Variants in SLC4A4 observed in about 807,000 individuals in gnomAD.
The protein encoded by SLC4A4 is solute carrier family 4 member 4.
SLC4A4 carries 27 observed loss-of-function variants against 111.5 expected under a neutral mutation model. The observed-to-expected ratio is 0.24, with a 90% CI of 0.18 to 0.33. The LOEUF is 0.33. SLC4A4 is among the 10% of genes least tolerant of loss of function. The probability of loss-of-function intolerance (pLI) is 1.00; values close to 1 mark genes in which losing one functional copy is unlikely to be tolerated. For synonymous variants in SLC4A4, 443 were observed against 463.4 expected, an observed-to-expected ratio of 0.96 and a Z score of 0.57; for missense variants, 909 against 1,315.5, an observed-to-expected ratio of 0.69 and a Z score of 4.78.
intron 3 of SLC4A4, among the ~76,000 whole-genome samples, chr4:71,338,546 TTCG>T (rs760891237): frequency 2.8e-4 from 42 of 151,862 alleles, no homozygotes; most frequent in Non-Finnish European, 4.7e-4. Flanking sequence ...TCTTTCTTCT[TTCG>T]TCGTCTTCTT....
intron 2 of SLC4A4, among the ~76,000 whole-genome samples, chr4:71,156,349 G>A (rs926545171): frequency 1.3e-5 from 2 of 152,020 alleles, no homozygotes; most frequent in African/African-American, 2.4e-5. Flanking sequence ...TTATTATGCT[G>A]ATGCTTCACT....
Position 71,567,873 on chromosome 4 carries a change from G to A in SLC4A4, c.*122G>A. The A allele has an allele frequency of 6.6e-7, 1 of 1,522,202 alleles. No individual in the cohort carries two copies. 94.3% of individuals were successfully genotyped at this position (1,522,202 alleles called of 1,614,324 possible). ...CAATGATTATTTCTGGAGGAGCAAG[G>A]GAACAGAAACTACATTGTAACCTGT... On this transcript the variant is annotated 3_prime_UTR_variant, in exon 26 of 26. Transcript: ENST00000264485.
At chr4:71,483,962 A>T (rs927241364) in intron 14 of SLC4A4, among the ~76,000 whole-genome samples, 2 of 151,670 alleles carry the variant, frequency 1.3e-5, no homozygotes, top group Non-Finnish European at 2.9e-5. Flanking sequence ...TATTGGCTGC[A>T]TGTATGTCTT....
chr4:71,536,472 ATATATAT>A (rs1734471294), intron 18 of SLC4A4, among the ~76,000 whole-genome samples: 1 of 87,190 alleles, frequency 1.1e-5, no homozygotes, highest in Admixed American at 1.4e-4. Flanking sequence ...ATACATATAT[ATATATAT>A]ATATATATGT....
intron 2 of SLC4A4, among the ~76,000 whole-genome samples, chr4:71,122,811 G>T (rs1167158072): frequency 6.6e-6 from 1 of 152,078 alleles, no homozygotes. Context: ...AACACTGTTC[G>T]TATACACAGG....
In SLC4A4 at chr4:71,086,834, G is replaced by A. The variant is rs574137092; in HGVS notation, c.-64-5896G>A. Reference sequence around the variant, plus strand: ...GTATTTTATTGAGGATTTTTGCATCGATGTTCATCAGGGATATTGGTCTAA... The same window carrying A: ...GTATTTTATTGAGGATTTTTGCATCAATGTTCATCAGGGATATTGGTCTAA... On this transcript the variant is annotated intron_variant, in intron 1 of 26. Transcript: ENST00000649996. 1.1e-4 allele frequency among the ~76,000 whole-genome samples: 17 copies of A among 152,084 alleles called. No individual in the cohort carries two copies. The South Asian group carries it at 2.5e-3, about 22-fold the overall frequency.
At chr4:71,202,090 A>G (rs1242233349) in intron 1 of SLC4A4, among the ~76,000 whole-genome samples, 1 of 152,234 alleles carries the variant, frequency 6.6e-6, no homozygotes, top group African/African-American at 2.4e-5. Context: ...GTCTTCAACT[A>G]TCCCATCACT....
intron 16 of SLC4A4, among the ~76,000 whole-genome samples, chr4:71,508,047 A>G (rs558960573): frequency 1.3e-5 from 2 of 152,316 alleles, no homozygotes; most frequent in South Asian, 2.1e-4. Flanking sequence ...ATCAGAACAA[A>G]GAGACAATGT....
At chr4:71,317,632 G>A (rs1726793032) in intron 3 of SLC4A4, among the ~76,000 whole-genome samples, 2 of 151,994 alleles carry the variant, frequency 1.3e-5, no homozygotes, top group Admixed American at 6.6e-5. Context: ...CAAACCAATG[G>A]CTAGATATGT....
chr4:71,190,945 T>A (rs1008574199), intron 1 of SLC4A4, among the ~76,000 whole-genome samples: 1 of 152,214 alleles, frequency 6.6e-6, no homozygotes, highest in African/African-American at 2.4e-5. Context: ...ATTACAATGG[T>A]GTGAAAGCAT....
At chr4:71,156,583 C>CGT (rs1560749427) in intron 2 of SLC4A4, among the ~76,000 whole-genome samples, 3 of 92,152 alleles carry the variant, frequency 3.3e-5, no homozygotes, top group South Asian at 1.0e-3. Flanking sequence ...TGCGCGCGCG[C>CGT]GCGCGCACAC....
intron 5 of SLC4A4, among the ~76,000 whole-genome samples, chr4:71,352,765 A>G (rs988264386): frequency 1.3e-5 from 2 of 152,232 alleles, no homozygotes; most frequent in Admixed American, 6.5e-5. Context: ...ATATTTCTGC[A>G]TGTCACCTAG....
chr4:71,240,608 G>A (rs1226363256), intron 2 of SLC4A4, among the ~76,000 whole-genome samples: 3 of 152,144 alleles, frequency 2.0e-5, no homozygotes, highest in Non-Finnish European at 4.4e-5. Context: ...ATGGACATTA[G>A]GAGGGAGTGT....
rs191416179 is a variant in SLC4A4 at position 71,273,828 on chromosome 4, T to A, written c.253+18429T>A. Among the ~76,000 whole-genome samples the A allele has an allele frequency of 3.3e-5, 5 of 152,328 alleles. No individual in the cohort carries two copies. The East Asian group carries it at 9.6e-4, about 29-fold the overall frequency. On this transcript the variant is annotated intron_variant, in intron 3 of 25. Transcript: ENST00000264485. ...GTTCAGATGCATGCCCTTGAACCAGTTAACTAACTTCTTTAAGTCTCAGTT... is the reference window on the plus strand; with the variant it reads ...GTTCAGATGCATGCCCTTGAACCAGATAACTAACTTCTTTAAGTCTCAGTT...
At chr4:71,455,780 C>G (rs1305006959) in intron 12 of SLC4A4, among the ~76,000 whole-genome samples, 1 of 152,046 alleles carries the variant, frequency 6.6e-6, no homozygotes, top group Middle Eastern at 3.2e-3. Context: ...TCTTTGCAAC[C>G]TCATAAGACT....
intron 2 of SLC4A4, among the ~76,000 whole-genome samples, chr4:71,238,606 C>T (rs545726738): frequency 1.2e-4 from 19 of 152,298 alleles, no homozygotes; most frequent in South Asian, 2.1e-4. Flanking sequence ...TCTTCCAAGA[C>T]ATGCTCAGAT....
chr4:71,502,203 C>T (rs1343784928), intron 16 of SLC4A4, among the ~76,000 whole-genome samples: 1 of 152,200 alleles, frequency 6.6e-6, no homozygotes, highest in African/African-American at 2.4e-5. Flanking sequence ...TCAAGTGATC[C>T]ACCAGCCTCG....
At chr4:71,237,402 A>G (rs536237089) in intron 2 of SLC4A4, among the ~76,000 whole-genome samples, 6 of 152,200 alleles carry the variant, frequency 3.9e-5, no homozygotes, top group Non-Finnish European at 7.3e-5. Flanking sequence ...ATTCATATTT[A>G]TAATGAGATT....
chr4:71,338,504 T>TC (rs1728609550), intron 3 of SLC4A4, among the ~76,000 whole-genome samples: 1 of 151,826 alleles, frequency 6.6e-6, no homozygotes, highest in African/African-American at 2.4e-5. Flanking sequence ...CTGCTTTTCT[T>TC]TCTCTCTCTC....
Sources: gnomAD v4.1 joint callset for allele counts (sites outside exome capture counted in the v4.1 genomes callset) on GRCh38, gnomAD v4.1.1 for gene constraint, MANE v1.5 for transcripts, NCBI Gene and HGNC (gene_info 2026-07-23, HGNC 2026-07-21) for gene names.